Variants in GALNT12 observed in about 807,000 individuals in gnomAD.
GALNT12 encodes UDP-GalNAc:polypeptide N-acetylgalactosaminyltransferase 12.
GALNT12 carries 45 observed loss-of-function variants against 55.5 expected under a neutral mutation model. The observed-to-expected ratio is 0.81, with a 90% CI of 0.64 to 1.04. The LOEUF is 1.04. Among genes scored for constraint, GALNT12 ranks in the 50% least tolerant of loss-of-function variants. GALNT12 has a pLI of 0.00. For missense variants in GALNT12, 709 were observed against 754.8 expected, an observed-to-expected ratio of 0.94 and a Z score of 0.71; for synonymous variants, 304 against 312.2, an observed-to-expected ratio of 0.97 and a Z score of 0.28.
chr9:98,844,144 G>C lies in GALNT12; in HGVS notation c.1393G>C (p.Asp465His), dbSNP rs777862536. The C allele has an allele frequency of 6.2e-7, 1 of 1,614,004 alleles. No homozygotes were observed. The highest frequency in any genetic ancestry group is 1.3e-5 in the African/African-American group (1 of 75,012). Reference sequence around the variant, plus strand: ...CTACTGCTTTGACTATAACCCTCCCGATGAAAACCAGATTGTGGGACACCA... The same window carrying C: ...CTACTGCTTTGACTATAACCCTCCCCATGAAAACCAGATTGTGGGACACCA... The part of the protein sequence containing the change: ...TDYCFDYNPP[D>H]ENQIVGHQVI... The change falls in exon 8 of 10, where the codon GAT (aspartate) becomes CAT (histidine). Residue 465 changes from aspartate (D) to histidine (H), a missense_variant. Around this residue, in one of 5 missense-constraint regions of GALNT12, gnomAD observed 262 missense variants for 310.7 expected, o/e 0.84. Coordinates refer to ENST00000375011, the MANE Select transcript of GALNT12 (RefSeq NM_024642.5).
intron 1 of GALNT12, among the ~76,000 whole-genome samples, chr9:98,820,746 C>G (rs143788797): frequency 1.3e-4 from 20 of 152,312 alleles, no homozygotes; most frequent in African/African-American, 4.1e-4. Flanking sequence ...TTCTCCACAA[C>G]CTTGCCAGCA....
intron 2 of GALNT12, among the ~76,000 whole-genome samples, chr9:98,826,432 A>G (rs1367444111): frequency 6.6e-6 from 1 of 152,138 alleles, no homozygotes; most frequent in Non-Finnish European, 1.5e-5. Flanking sequence ...ACTGTAAAGC[A>G]TTTTTTGTAA....
intron 2 of GALNT12, 51 bp from the exon 3 acceptor site, chr9:98,826,701 G>A (rs1835861953): frequency 6.4e-7 from 1 of 1,565,610 alleles, no homozygotes; most frequent in Non-Finnish European, 8.7e-7. Context: ...GGGATGAGGC[G>A]CTCCTCCGAG....
chr9:98,834,706 C>T lies in GALNT12; in HGVS notation c.918-543C>T, dbSNP rs184853196. On this transcript the variant is annotated intron_variant, in intron 4 of 9. Coordinates refer to ENST00000375011, the MANE Select transcript of GALNT12 (RefSeq NM_024642.5). ...CTTCTGCATACTGGCCTCTGAGTGG[C>T]ATCTGTGAGTGCCTGCCTTGTGAGA... Among the ~76,000 whole-genome samples, 16 of 152,354 alleles carry T rather than the reference C, an allele frequency of 1.1e-4. No individual in the cohort carries two copies. The East Asian group carries it at 3.1e-3, about 29-fold the overall frequency.
At chr9:98,834,882 T>C (rs1364676398) in intron 4 of GALNT12, among the ~76,000 whole-genome samples, 1 of 152,188 alleles carries the variant, frequency 6.6e-6, no homozygotes, top group Non-Finnish European at 1.5e-5. Context: ...AACCATTCCA[T>C]TTCCCTTCTT....
chr9:98,842,079 T>C (rs1243057325), intron 7 of GALNT12, among the ~76,000 whole-genome samples: 1 of 152,178 alleles, frequency 6.6e-6, no homozygotes, highest in African/African-American at 2.4e-5. Flanking sequence ...TTGTTTTTTT[T>C]TTTGTTGTGG....
chr9:98,818,719 C>T (rs2093503), intron 1 of GALNT12, among the ~76,000 whole-genome samples: 59,928 of 151,956 alleles, frequency 0.39, 12,948 homozygotes, highest in South Asian at 0.53. Flanking sequence ...TATAAAATGT[C>T]TCAGTTTGGG....
At position 98,826,779 on chromosome 9, in the gene GALNT12, A is replaced by G; in HGVS notation, c.569A>G (p.Glu190Gly). The change falls in exon 3 of 10, where the codon GAG (glutamate) becomes GGG (glycine). Residue 190 changes from glutamate (E) to glycine (G), a missense_variant. Coordinates refer to ENST00000375011, the MANE Select transcript of GALNT12 (RefSeq NM_024642.5). Reference sequence around the variant, plus strand: ...CACCTGAAGGAGCGCTTGGCCAATGAGCTTTCGGGACTGCCCAAGGTGCGC... The same window carrying G: ...CACCTGAAGGAGCGCTTGGCCAATGGGCTTTCGGGACTGCCCAAGGTGCGC... ...REHLKERLAN[E>G]LSGLPKVRLI... 1 of 1,611,648 alleles carries G rather than the reference A, an allele frequency of 6.2e-7. No individual in the cohort carries two copies. The highest frequency in any genetic ancestry group is 1.7e-5 in the Admixed American group (1 of 59,966).
intron 3 of GALNT12, among the ~76,000 whole-genome samples, chr9:98,830,114 G>A (rs1184611907): frequency 3.3e-5 from 5 of 152,114 alleles, no homozygotes; most frequent in Non-Finnish European, 5.9e-5. Flanking sequence ...GTTCAACCTG[G>A]GGAGCTTTTT....
At chr9:98,833,438 C>T (rs2118426666) in intron 4 of GALNT12, among the ~76,000 whole-genome samples, 1 of 152,250 alleles carries the variant, frequency 6.6e-6, no homozygotes, top group South Asian at 2.1e-4. Context: ...GGGGTTTGGA[C>T]TTGACCCTGA....
At chr9:98,848,389 A>C (rs1439618794) in intron 9 of GALNT12, among the ~76,000 whole-genome samples, 1 of 152,196 alleles carries the variant, frequency 6.6e-6, no homozygotes, top group East Asian at 1.9e-4. Flanking sequence ...GGCTGGCAGA[A>C]AGGAGAGAAG....
chr9:98,829,243 C>T (rs1333928210), intron 3 of GALNT12, among the ~76,000 whole-genome samples: 1 of 151,916 alleles, frequency 6.6e-6, no homozygotes, highest in Non-Finnish European at 1.5e-5. Context: ...GGCTAGAGTA[C>T]AGTAGGGTGA....
rs1206433914 is a variant in GALNT12 at position 98,837,095 on chromosome 9, T to C, written c.1159T>C (p.Trp387Arg). Residue 387 changes from tryptophan (W) to arginine (R), a missense_variant, in exon 6 of 10, where the codon TGG (tryptophan) becomes CGG (arginine). By Grantham distance (101) the Trp-to-Arg change is moderately radical. Around this residue, in one of 5 missense-constraint regions of GALNT12, gnomAD observed 262 missense variants for 310.7 expected, o/e 0.84. Transcript: ENST00000375011. Reference sequence around the variant, plus strand: ...CAACAGTGTTCGTGCAGCTGAAGTATGGATGGATGAATTTAAAGAGCTCTA... The same window carrying C: ...CAACAGTGTTCGTGCAGCTGAAGTACGGATGGATGAATTTAAAGAGCTCTA... ...LANSVRAAEV[W>R]MDEFKELYYH... 2 of 1,614,176 alleles carry C rather than the reference T, an allele frequency of 1.2e-6. No individual in the cohort carries two copies. The highest frequency in any genetic ancestry group is 1.7e-6 in the Non-Finnish European group (2 of 1,180,034).
chr9:98,835,860 C>T (rs533150730), intron 5 of GALNT12, among the ~76,000 whole-genome samples: 108 of 152,262 alleles, frequency 7.1e-4, no homozygotes, highest in Non-Finnish European at 1.3e-3. Flanking sequence ...CTCAGCCTCC[C>T]GAGTAGCTGG....
chr9:98,808,909 C>T (rs1214885443), intron 1 of GALNT12, among the ~76,000 whole-genome samples: 1 of 152,222 alleles, frequency 6.6e-6, no homozygotes, highest in Non-Finnish European at 1.5e-5. Context: ...TGAGCCCCTT[C>T]CTTACAGACT....
At position 98,824,453 on chromosome 9, in the gene GALNT12, C is replaced by T. The variant is rs199682949; in HGVS notation, c.541+1028C>T. 8.5e-5 allele frequency among the ~76,000 whole-genome samples: 13 copies of T among 152,320 alleles called. No individual in the cohort carries two copies. In the East Asian group the frequency reaches 2.5e-3, roughly 29 times the overall value. On this transcript the variant is annotated intron_variant, in intron 2 of 9. Coordinates refer to ENST00000375011, the MANE Select transcript of GALNT12 (RefSeq NM_024642.5). ...CACTGCTTGGAAGTTCTCCACACAT[C>T]CCATTGAGCAGAGCGTGGTTGCCTG...
At chr9:98,845,193 G>A (rs1226635392) in intron 8 of GALNT12, among the ~76,000 whole-genome samples, 1 of 152,110 alleles carries the variant, frequency 6.6e-6, no homozygotes, top group Non-Finnish European at 1.5e-5. Context: ...TTTTCAGACT[G>A]ATCCCAACAC....
In GALNT12 at chr9:98,845,876, C is replaced by T. The variant is rs547574219; in HGVS notation, c.1459-101C>T. The T allele has an allele frequency of 2.4e-6, 3 of 1,264,800 alleles. No individual in the cohort carries two copies. In the South Asian group the frequency reaches 3.8e-5, roughly 16 times the overall value. 78.3% of individuals were successfully genotyped at this position (1,264,800 alleles called of 1,614,324 possible). The stretch of plus-strand genomic sequence containing the variant: ...GTTGGTGGTGACGCAGGTGCATGAC[C>T]CCACCCATGCTCTCGTGATCCCAGG... On this transcript the variant is annotated intron_variant, in intron 8 of 9. Coordinates refer to ENST00000375011, the MANE Select transcript of GALNT12 (RefSeq NM_024642.5).
At chr9:98,835,211 G>A (rs2118437517) in intron 4 of GALNT12, 38 bp from the exon 5 acceptor site, 2 of 1,365,456 alleles carry the variant, frequency 1.5e-6, no homozygotes, top group Non-Finnish European at 2.1e-6. Flanking sequence ...ATGGTTTTCT[G>A]CTGTCTACAG....
Sources: allele counts gnomAD v4.1 joint callset (sites outside exome capture counted in the v4.1 genomes callset), GRCh38; gene constraint gnomAD v4.1.1; regional missense constraint gnomAD v4.1.1; transcripts MANE v1.5; gene names NCBI Gene and HGNC (gene_info 2026-07-23, HGNC 2026-07-21).